Variants in TTC7B observed in about 807,000 individuals in gnomAD.
TTC7B encodes the protein tetratricopeptide repeat domain 7B, also known as tetratricopeptide repeat protein 7B.
A neutral mutation model predicts 106.8 loss-of-function variants in TTC7B; 28 were observed. The ratio of observed to expected loss-of-function variants is 0.26; its 90% CI spans 0.19 to 0.36. The LOEUF is 0.36. Among genes scored for constraint, TTC7B ranks in the 10% least tolerant of loss-of-function variants. The pLI is 1.00. For synonymous variants in TTC7B, 405 were observed against 430.6 expected (o/e 0.94, Z 0.74); for missense variants, 862 against 1,076.4 (o/e 0.80, Z 2.79).
rs1884329969 is a variant in TTC7B, at chr14:90,624,092, ATGTGTGCATGTG to A, written c.1752-6059_1752-6048del. On this transcript the variant is annotated intron_variant, in intron 15 of 19. Coordinates refer to ENST00000328459, the MANE Select transcript of TTC7B (RefSeq NM_001010854.2). The surrounding 1 kb of genome is among the most constrained non-coding windows in gnomAD (Gnocchi z 4.0). ...TGTATGCATATGCGTGTGCGTGTAT[ATGTGTGCATGTG>A]TGTGTGCGCGTGCGCGTGTGTGTGT... is the stretch of plus-strand genomic sequence containing the variant. Among the ~76,000 whole-genome samples, 1 of 152,166 alleles carries A rather than the reference ATGTGTGCATGTG, an allele frequency of 6.6e-6. No homozygotes were observed. Among genetic ancestry groups the A allele is most frequent in the Non-Finnish European group, 1.5e-5 (1 of 68,028 alleles).
chr14:90,785,571 G>T (rs1231663296), intron 2 of TTC7B, among the ~76,000 whole-genome samples: 1 of 152,150 alleles, frequency 6.6e-6, no homozygotes, highest in Non-Finnish European at 1.5e-5. Context: ...AGTCCAAGAA[G>T]AAAGGAAGGA....
chr14:90,552,093 C>T (rs1346995601), intron 19 of TTC7B, among the ~76,000 whole-genome samples: 6 of 152,218 alleles, frequency 3.9e-5, no homozygotes, highest in Non-Finnish European at 7.3e-5. Flanking sequence ...GGCTGGCCTC[C>T]CCAGGCCAGA....
intron 9 of TTC7B, among the ~76,000 whole-genome samples, chr14:90,667,885 C>T (rs778357337): frequency 2.0e-5 from 3 of 152,182 alleles, no homozygotes; most frequent in Non-Finnish European, 2.9e-5. Flanking sequence ...ACACATGAAT[C>T]TGGTACAATC....
intron 18 of TTC7B, among the ~76,000 whole-genome samples, chr14:90,581,102 G>A (rs976689069): frequency 1.3e-4 from 20 of 152,204 alleles, no homozygotes; most frequent in African/African-American, 4.8e-4. Context: ...TGCACACAGT[G>A]CCTTCTGTCT....
chr14:90,550,735 CCATGATTTGTCTTTG>C (rs1326101209), intron 19 of TTC7B, among the ~76,000 whole-genome samples: 7 of 152,152 alleles, frequency 4.6e-5, no homozygotes, highest in African/African-American at 1.7e-4. Context: ...GCAAGGACCA[CCATGATTTGTCTTTG>C]CATGTACGGC....
chr14:90,798,772 A>G (rs2030054813), intron 1 of TTC7B, among the ~76,000 whole-genome samples: 1 of 151,400 alleles, frequency 6.6e-6, no homozygotes, highest in East Asian at 1.9e-4. Context: ...GCAGATATTC[A>G]GAATAATTCC....
intron 13 of TTC7B, among the ~76,000 whole-genome samples, chr14:90,647,717 G>A (rs1489846655): frequency 2.0e-5 from 3 of 152,046 alleles, no homozygotes; most frequent in Non-Finnish European, 4.4e-5. Flanking sequence ...TTGCAAACGT[G>A]GTCTTCTCTG....
At chr14:90,629,725 G>A (rs1884607401) in intron 15 of TTC7B, among the ~76,000 whole-genome samples, 2 of 152,222 alleles carry the variant, frequency 1.3e-5, no homozygotes, top group African/African-American at 4.8e-5. Context: ...TAAACCTTCT[G>A]GATGCCATGA....
At chr14:90,734,230 C>A (rs1469218261) in intron 4 of TTC7B, among the ~76,000 whole-genome samples, 1 of 151,914 alleles carries the variant, frequency 6.6e-6, no homozygotes, top group Non-Finnish European at 1.5e-5. Flanking sequence ...ACCAGCCTGG[C>A]CAACATGGCA....
chr14:90,541,156 G>T lies in TTC7B; in HGVS notation c.*212C>A, dbSNP rs1033330191. 4 of 485,776 alleles carry T rather than the reference G, an allele frequency of 8.2e-6. No homozygotes were observed. In the Admixed American group the frequency reaches 1.4e-4, roughly 17 times the overall value. 30.1% of individuals were successfully genotyped at this position (485,776 alleles called of 1,614,324 possible). On this transcript the variant is annotated 3_prime_UTR_variant, in exon 20 of 20. Coordinates refer to ENST00000328459, the MANE Select transcript of TTC7B (RefSeq NM_001010854.2). ...ATTTTGAACAATGTCAATAGGTTCA[G>T]AAACTACCATTGGGCTGGCAAAAAA...
intron 3 of TTC7B, among the ~76,000 whole-genome samples, chr14:90,755,465 T>C (rs1245411653): frequency 1.3e-5 from 2 of 151,990 alleles, no homozygotes; most frequent in Non-Finnish European, 2.9e-5. Flanking sequence ...CTGGGCAACA[T>C]AGTGAGACCT....
At chr14:90,740,033 C>T (rs530407244) in intron 4 of TTC7B, among the ~76,000 whole-genome samples, 1 of 152,316 alleles carries the variant, frequency 6.6e-6, no homozygotes, top group Admixed American at 6.5e-5. Flanking sequence ...ATTTTATATG[C>T]TCAATTTTAG....
At chr14:90,668,151 G>A (rs1480380833) in intron 9 of TTC7B, among the ~76,000 whole-genome samples, 1 of 151,410 alleles carries the variant, frequency 6.6e-6, no homozygotes, top group Non-Finnish European at 1.5e-5. Context: ...GACTGTCAGT[G>A]AGGTGGGGCT....
Position 90,570,822 on chromosome 14 carries a change from C to A in TTC7B, c.2310+7284G>T, listed in dbSNP as rs1331562938. Among the ~76,000 whole-genome samples, 2 of 152,212 alleles carry A rather than the reference C, an allele frequency of 1.3e-5. No individual in the cohort carries two copies. The highest frequency in any genetic ancestry group is 6.5e-5 in the Admixed American group (1 of 15,286). ...TCATTTAACCCGCACAGCAACACCA[C>A]CGGGCACTGTTATTACTCCCATTTC... On this transcript the variant is annotated intron_variant, in intron 19 of 19. Transcript: ENST00000328459. The surrounding 1 kb of genome is among the most constrained non-coding windows in gnomAD (Gnocchi z 4.0).
intron 19 of TTC7B, among the ~76,000 whole-genome samples, chr14:90,547,577 C>T (rs1239136741): frequency 6.6e-6 from 1 of 152,224 alleles, no homozygotes; most frequent in African/African-American, 2.4e-5. Flanking sequence ...AGATGGATCG[C>T]TTGAGCCTGG....
intron 5 of TTC7B, 68 bp downstream of exon 5, chr14:90,730,007 G>A: frequency 6.8e-7 from 1 of 1,473,838 alleles, no homozygotes; most frequent in South Asian, 1.3e-5. Context: ...CTAAACTGGA[G>A]ACAGCATTGT....
At chr14:90,766,330 A>T (rs1890680553) in intron 3 of TTC7B, among the ~76,000 whole-genome samples, 1 of 152,182 alleles carries the variant, frequency 6.6e-6, no homozygotes, top group Admixed American at 6.5e-5. Context: ...ACTGTCCTTG[A>T]AAAAGACCTG....
intron 1 of TTC7B, among the ~76,000 whole-genome samples, chr14:90,791,573 A>T (rs1344656859): frequency 6.6e-6 from 1 of 152,098 alleles, no homozygotes; most frequent in Non-Finnish European, 1.5e-5. Context: ...CCTGATGGCG[A>T]CATGCTGCCC....
At position 90,575,081 on chromosome 14, in the gene TTC7B, C is replaced by A. The variant is rs962494833; in HGVS notation, c.2310+3025G>T. On this transcript the variant is annotated intron_variant, in intron 19 of 19. Coordinates refer to ENST00000328459, the MANE Select transcript of TTC7B (RefSeq NM_001010854.2). The surrounding 1 kb of genome is among the most constrained non-coding windows in gnomAD (Gnocchi z 5.2). The stretch of plus-strand genomic sequence containing the variant: ...TTCCGCCACTCTCCGCCACACAGGT[C>A]GGGGCCCTGCCTCCTCCCTGGGGCT... Among the ~76,000 whole-genome samples, 4 of 152,186 alleles carry A rather than the reference C, an allele frequency of 2.6e-5. No homozygotes were observed. Among genetic ancestry groups the A allele is most frequent in the Admixed American group, 2.6e-4 (4 of 15,280 alleles).
Sources: gnomAD v4.1 joint callset for allele counts (sites outside exome capture counted in the v4.1 genomes callset) on GRCh38, gnomAD v4.1.1 for gene constraint, Gnocchi (gnomAD v3.1) non-coding constraint, MANE v1.5 for transcripts, NCBI Gene and HGNC (gene_info 2026-07-23, HGNC 2026-07-21) for gene names.